The following MYH9 variants were observed in gnomAD, a reference collection of about 807,000 sequenced individuals.
MYH9 encodes myosin heavy chain 9, also known as myosin-9.
Under a neutral mutation model 241.9 loss-of-function variants are expected in MYH9, and 29 were observed. The observed-to-expected ratio is 0.12, with a 90% CI of 0.09 to 0.16. The LOEUF (loss-of-function observed/expected upper bound fraction) is 0.16. Among genes scored for constraint, MYH9 ranks in the 10% least tolerant of loss-of-function variants. The pLI is 1.00. For synonymous variants in MYH9, 1,047 were observed against 1,062.6 expected (o/e 0.99, Z 0.29); for missense variants, 1,803 against 2,595.5 (o/e 0.69, Z 6.63).
Position 36,300,766 on chromosome 22 carries a change from A to G in MYH9, c.2838+85T>C, listed in dbSNP as rs1603483052. ...AGCAGCCTCCTTGGACCCTAATTCCATGTTCTCCCAGCTCCTGGTTCCTGC... is the reference window on the plus strand; with the variant it reads ...AGCAGCCTCCTTGGACCCTAATTCCGTGTTCTCCCAGCTCCTGGTTCCTGC... On this transcript the variant is annotated intron_variant, in intron 22 of 40. Transcript: ENST00000216181. The surrounding 1 kb of genome is among the most constrained non-coding windows in gnomAD (Gnocchi z 5.0). 6.7e-7 allele frequency: 1 copy of G among 1,497,084 alleles called. No homozygotes were observed. The highest frequency in any genetic ancestry group is 2.3e-5 in the East Asian group (1 of 44,078). The allele number at this position is 1,497,084 out of a possible 1,614,324, so 92.7% of individuals were successfully genotyped here. A position where few individuals can be genotyped will look rare whatever the true frequency, so the allele number is the denominator to read the frequency against.
chr22:36,293,381 T>A lies in MYH9; in HGVS notation c.4043A>T (p.Glu1348Val). 1 of 1,614,014 alleles carries A rather than the reference T, an allele frequency of 6.2e-7. No individual in the cohort carries two copies. Among genetic ancestry groups the A allele is most frequent in the Non-Finnish European group, 8.5e-7 (1 of 1,180,014 alleles). The change falls in exon 30 of 41, where the codon GAG becomes GTG. Residue 1348 changes from glutamate to valine, a missense_variant. Glu to Val is a moderately radical substitution (Grantham distance 121, BLOSUM62 -2). Coordinates refer to ENST00000216181, the MANE Select transcript of MYH9 (RefSeq NM_002473.6). This position sits in a 1 kb window ranked among gnomAD's most constrained non-coding sequence, Gnocchi z 5.1. ...CTCCAGGTTGTGCTTGGCCTCCTCC[T>A]CCTCCTCCAGCTGCTCCCGGAAGGA... Reference protein sequence around the residue: ...KNSFREQLEEEEEAKHNLEKQ... With the variant: ...KNSFREQLEEVEEAKHNLEKQ...
chr22:36,350,155 T>G (rs1215181538), intron 1 of MYH9, among the ~76,000 whole-genome samples: 1 of 152,208 alleles, frequency 6.6e-6, no homozygotes, highest in African/African-American at 2.4e-5. Flanking sequence ...TTGGGGACAC[T>G]AAGGTCAAAA....
intron 1 of MYH9, among the ~76,000 whole-genome samples, chr22:36,355,327 T>C (rs146339036): frequency 7.1e-4 from 108 of 152,288 alleles, no homozygotes; most frequent in African/African-American, 2.6e-3. Context: ...CCTCAATTAT[T>C]TGCCTTCTCC....
At chr22:36,294,027 G>C (rs1603482917) in intron 28 of MYH9, 65 bp downstream of exon 28, 1 of 1,569,848 alleles carries the variant, frequency 6.4e-7, no homozygotes, top group East Asian at 2.2e-5. Context: ...CATGCACCTG[G>C]GGACCTGGGC....
At chr22:36,299,121 G>A (rs749665569) in intron 23 of MYH9, 79 bp from the exon 24 acceptor site, 52 of 1,581,024 alleles carry the variant, frequency 3.3e-5, no homozygotes, top group African/African-American at 8.1e-5. Flanking sequence ...TGACTCGCCC[G>A]GAAATCTGGG....
chr22:36,343,305 G>T (rs1253439274), intron 2 of MYH9, among the ~76,000 whole-genome samples: 4 of 152,182 alleles, frequency 2.6e-5, no homozygotes, highest in Admixed American at 6.5e-5. Context: ...GGAGGCCAGG[G>T]TGAGAGGATC....
chr22:36,322,335 T>G, intron 6 of MYH9, 94 bp downstream of exon 6: 1 of 1,373,682 alleles, frequency 7.3e-7, no homozygotes, highest in Non-Finnish European at 1.0e-6. Context: ...CGTCCTCGGT[T>G]TTGAGGGGAG....
Position 36,304,126 on chromosome 22 carries a change from C to T in MYH9, c.2259G>A (p.Leu753=), listed in dbSNP as rs371033188. 5 of 1,613,648 alleles carry T rather than the reference C, an allele frequency of 3.1e-6. No homozygotes were observed. The highest frequency in any genetic ancestry group is 1.6e-4 in the Middle Eastern group (1 of 6,062). The change falls in exon 19 of 41, where the codon CTG becomes CTA. Residue 753 remains leucine, a synonymous_variant. Coordinates refer to ENST00000216181, the MANE Select transcript of MYH9 (RefSeq NM_002473.6). ...AGACTTTGCTCTGGCCAATGCGGTA[C>T]AGATTGCTGTCGAGCTCCAGGGCTT... The part of the protein sequence containing the change: ...MIKALELDSN[L]YRIGQSKVFF...
intron 1 of MYH9, among the ~76,000 whole-genome samples, chr22:36,382,249 C>A (rs558376889): frequency 6.6e-6 from 1 of 151,200 alleles, no homozygotes; most frequent in East Asian, 2.0e-4. Flanking sequence ...CCAAGGCGGG[C>A]GGATCACCTG....
At position 36,285,934 on chromosome 22, in the gene MYH9, C is replaced by A. The variant is rs538330756; in HGVS notation, c.5081G>T (p.Arg1694Leu). ...QLQEELAAAE[R>L]AKRQAQQERD... is the part of the protein sequence containing the mutation. Reference sequence around the variant, plus strand: ...CTCCTGCTGGGCCTGGCGCTTGGCACGCTCCGCGGCTGCCAGTTCCTGCCA... The same window carrying A: ...CTCCTGCTGGGCCTGGCGCTTGGCAAGCTCCGCGGCTGCCAGTTCCTGCCA... Residue 1694 changes from arginine (R) to leucine (L), a missense_variant, in exon 36 of 41, where the codon CGT becomes CTT. This residue lies in a region of MYH9 where 876 missense variants were observed against 1,077.8 expected (regional missense o/e 0.81). Coordinates refer to ENST00000216181, the MANE Select transcript of MYH9 (RefSeq NM_002473.6). The surrounding 1 kb of genome is among the most constrained non-coding windows in gnomAD (Gnocchi z 7.0). The A allele has an allele frequency of 1.2e-6, 2 of 1,611,080 alleles. No individual in the cohort carries two copies. The highest frequency in any genetic ancestry group is 1.7e-4 in the Middle Eastern group (1 of 6,040).
At position 36,300,832 on chromosome 22, in the gene MYH9, G is replaced by C. The variant is rs199611979; in HGVS notation, c.2838+19C>G. 5 of 1,599,424 alleles carry C rather than the reference G, an allele frequency of 3.1e-6. No individual in the cohort carries two copies. The Admixed American group carries it at 5.0e-5, about 16-fold the overall frequency. On this transcript the variant is annotated intron_variant, in intron 22 of 40. Coordinates refer to ENST00000216181, the MANE Select transcript of MYH9 (RefSeq NM_002473.6). This position sits in a 1 kb window ranked among gnomAD's most constrained non-coding sequence, Gnocchi z 5.0. Reference sequence around the variant, plus strand: ...TGCCCCTCCGGCGCCACCCCTCCCCGGGTGCAGCGGGCAGGAACCTGGATG... The same window carrying C: ...TGCCCCTCCGGCGCCACCCCTCCCCCGGTGCAGCGGGCAGGAACCTGGATG...
intron 5 of MYH9, among the ~76,000 whole-genome samples, chr22:36,324,764 G>A (rs773442930): frequency 3.3e-5 from 5 of 152,216 alleles, no homozygotes; most frequent in African/African-American, 4.8e-5. Context: ...TGGAAGCCTG[G>A]GGCAACCTAC....
intron 11 of MYH9, 133 bp from the exon 12 acceptor site, chr22:36,316,802 A>G (rs922589865): frequency 1.8e-5 from 18 of 973,012 alleles, no homozygotes; most frequent in Admixed American, 2.6e-5. Flanking sequence ...GGGAAAAAAA[A>G]AAATCTTCGT....
Position 36,292,024 on chromosome 22 carries a change from C to A in MYH9, c.4306G>T (p.Ala1436Ser). 1.2e-6 allele frequency: 2 copies of A among 1,614,202 alleles called. No homozygotes were observed. Among genetic ancestry groups the A allele is most frequent in the South Asian group, 2.2e-5 (2 of 91,092 alleles). ...TTCTGCTTCTTCTCCAGGTTGCACG[C>A]GCTCTGGCGCTGGTGGTCCAGGTCC... ...LVDLDHQRQS[A>S]CNLEKKQKKF... Residue 1436 changes from alanine to serine, a missense_variant, in exon 31 of 41, where the codon GCG becomes TCG. By Grantham distance (99) the Ala-to-Ser change is moderately conservative. This residue lies in a region of MYH9 where 876 missense variants were observed against 1,077.8 expected (regional missense o/e 0.81). Transcript: ENST00000216181.
rs541582855 is a variant in MYH9 at position 36,353,262 on chromosome 22, G to T, written c.-19-4007C>A. 3.9e-5 allele frequency among the ~76,000 whole-genome samples: 6 copies of T among 152,246 alleles called. No homozygotes were observed. In the South Asian group the frequency reaches 1.2e-3, roughly 32 times the overall value. On this transcript the variant is annotated intron_variant, in intron 1 of 40. Transcript: ENST00000216181. ...AAAGAGCTGCTAAAAATTCAATAAG[G>T]GGCACGACAGCGGGATACCCGGGAG...
At chr22:36,319,370 A>C (rs1360418024) in intron 10 of MYH9, among the ~76,000 whole-genome samples, 170 bp downstream of exon 10, 2 of 152,160 alleles carry the variant, frequency 1.3e-5, no homozygotes, top group Admixed American at 6.5e-5. Flanking sequence ...CTTGGTGAGA[A>C]AAAAAAGCAG....
rs2146373783 is a variant in MYH9, at chr22:36,330,940, G to T, written c.491-3452C>A. Among the ~76,000 whole-genome samples the T allele has an allele frequency of 6.6e-6, 1 of 152,136 alleles. No individual in the cohort carries two copies. The highest frequency in any genetic ancestry group is 2.1e-4 in the South Asian group (1 of 4,820). ...CTTGGTGAGGGTGGGGTAGAGATGGGGTTATGAGTCACTCTGCAGTAGTTT... is the reference window on the plus strand; with the variant it reads ...CTTGGTGAGGGTGGGGTAGAGATGGTGTTATGAGTCACTCTGCAGTAGTTT... On this transcript the variant is annotated intron_variant, in intron 3 of 40. Transcript: ENST00000216181. The surrounding 1 kb of genome is among the most constrained non-coding windows in gnomAD (Gnocchi z 4.5).
At position 36,355,134 on chromosome 22, in the gene MYH9, C is replaced by T. The variant is rs140068654; in HGVS notation, c.-19-5879G>A. On this transcript the variant is annotated intron_variant, in intron 1 of 40. Transcript: ENST00000216181. ...GGATCAGGCTGAGGCCATCCCCCAGCGCTTTCCTTCCCGCCGGCTTCCTGC... is the reference window on the plus strand; with the variant it reads ...GGATCAGGCTGAGGCCATCCCCCAGTGCTTTCCTTCCCGCCGGCTTCCTGC... Among the ~76,000 whole-genome samples, 567 of 152,188 alleles carry T rather than the reference C, an allele frequency of 3.7e-3. 4 individuals carry two copies. Among genetic ancestry groups the T allele is most frequent in the African/African-American group, 0.013 (550 of 41,520 alleles).
intron 18 of MYH9, 147 bp downstream of exon 18, chr22:36,304,886 C>T (rs995153852): frequency 3.7e-6 from 3 of 806,670 alleles, no homozygotes; most frequent in Non-Finnish European, 6.3e-6. Flanking sequence ...CAAAGGGCGC[C>T]CGGCAGAGTC....
Sources: allele counts gnomAD v4.1 joint callset (sites outside exome capture counted in the v4.1 genomes callset), GRCh38; gene constraint gnomAD v4.1.1; regional missense constraint gnomAD v4.1.1; non-coding constraint Gnocchi (gnomAD v3.1); transcripts MANE v1.5; gene names NCBI Gene and HGNC (gene_info 2026-07-23, HGNC 2026-07-21).